The following HAPLN1 variants were observed in gnomAD, a reference collection of about 807,000 sequenced individuals.
HAPLN1 encodes hyaluronan and proteoglycan link protein 1, also known as Cartilage link protein.
HAPLN1 carries 13 observed loss-of-function variants against 36.5 expected under a neutral mutation model. The observed-to-expected ratio is 0.36, with a 90% confidence interval of 0.23 to 0.57. The LOEUF (loss-of-function observed/expected upper bound fraction) is 0.57. Among genes scored for constraint, HAPLN1 ranks in the 20% least tolerant of loss-of-function variants. The pLI is 0.83. For missense variants in HAPLN1, 407 were observed against 439.7 expected (o/e 0.93, Z 0.66); for synonymous variants, 202 against 169.8 (o/e 1.19, Z -1.48).
chr5:83,686,970 T>A (rs1327770943), intron 1 of HAPLN1, among the ~76,000 whole-genome samples: 2 of 152,068 alleles, frequency 1.3e-5, no homozygotes, highest in Non-Finnish European at 2.9e-5. Flanking sequence ...TAAACAACAA[T>A]AACAGAAGTT....
At chr5:83,651,383 ATGCCAATG>A (rs1750058226) in intron 3 of HAPLN1, among the ~76,000 whole-genome samples, 1 of 152,152 alleles carries the variant, frequency 6.6e-6, no homozygotes, top group South Asian at 2.1e-4. Flanking sequence ...ATCCTGAATA[ATGCCAATG>A]TTCATGGATA....
rs1209193392 is a variant in HAPLN1 at position 83,673,454 on chromosome 5, G to C, written c.70C>G (p.Leu24Val). ...WADHLSDNYT[L>V]DHDRAIHIQA... ...ATGTGAATAGCTCTGTCATGATCCA[G>C]AGTATAGTTGTCTGAAAGATGATCA... The change falls in exon 2 of 5, where the codon CTG becomes GTG. Residue 24 changes from leucine to valine, a missense_variant. Transcript: ENST00000274341. 2.5e-6 allele frequency: 4 copies of C among 1,612,342 alleles called. No homozygotes were observed. Among genetic ancestry groups the C allele is most frequent in the African/African-American group, 2.7e-5 (2 of 74,936 alleles).
Position 83,706,104 on chromosome 5 carries a change from GA to G in HAPLN1, c.-27+14684del, listed in dbSNP as rs200981513. On this transcript the variant is annotated intron_variant, in intron 1 of 4. Transcript: ENST00000274341. The stretch of plus-strand genomic sequence containing the variant: ...ATCAGTAATAAATAGCCTACCAATC[GA>G]AAAAAAAAAAAAACAAAAGCCCAGG... Among the ~76,000 whole-genome samples, 4,030 of 126,646 alleles carry G rather than the reference GA, an allele frequency of 0.032. 251 individuals are homozygous for G. The East Asian group carries it at 0.33, about 10-fold the overall frequency. 83.1% of individuals were successfully genotyped at this position (126,646 alleles called of 152,430 possible).
At chr5:83,715,030 A>G (rs888696067) in intron 1 of HAPLN1, among the ~76,000 whole-genome samples, 19 of 152,172 alleles carry the variant, frequency 1.2e-4, no homozygotes, top group Admixed American at 1.0e-3. Context: ...GGTCCTTCAC[A>G]TTTCTGGAAG....
intron 1 of HAPLN1, among the ~76,000 whole-genome samples, chr5:83,715,239 A>G (rs546314178): frequency 1.2e-4 from 18 of 152,364 alleles, no homozygotes; most frequent in Admixed American, 3.9e-4. Context: ...TTGTAAATGC[A>G]TGAGTGAAAC....
intron 3 of HAPLN1, among the ~76,000 whole-genome samples, chr5:83,650,811 T>C (rs1750038096): frequency 6.6e-6 from 1 of 151,826 alleles, no homozygotes; most frequent in South Asian, 2.1e-4. Context: ...ATTTTTTGTA[T>C]TTTTAGTAGA....
chr5:83,671,877 G>A (rs1750735715), intron 2 of HAPLN1, among the ~76,000 whole-genome samples: 2 of 152,150 alleles, frequency 1.3e-5, no homozygotes, highest in African/African-American at 4.8e-5. Context: ...TAAAAATGTG[G>A]ACAGTGTATG....
intron 1 of HAPLN1, among the ~76,000 whole-genome samples, chr5:83,692,218 G>T (rs1751293693): frequency 6.6e-6 from 1 of 151,850 alleles, no homozygotes; most frequent in Non-Finnish European, 1.5e-5. Context: ...AAAAAAATTT[G>T]AAGAAGTAAT....
At chr5:83,650,724 T>C (rs1580122253) in intron 3 of HAPLN1, among the ~76,000 whole-genome samples, 1 of 146,072 alleles carries the variant, frequency 6.8e-6, no homozygotes, top group Admixed American at 7.0e-5. Flanking sequence ...AAGCTCTGCC[T>C]CCTGGGTTCA....
intron 1 of HAPLN1, among the ~76,000 whole-genome samples, chr5:83,711,423 AGATTC>A (rs2112638933): frequency 6.6e-6 from 1 of 152,288 alleles, no homozygotes; most frequent in African/African-American, 2.4e-5. Flanking sequence ...GGGGGCAGTT[AGATTC>A]ATCATGAAAA....
chr5:83,692,877 G>A (rs1751312607), intron 1 of HAPLN1, among the ~76,000 whole-genome samples: 1 of 151,834 alleles, frequency 6.6e-6, no homozygotes, highest in Admixed American at 6.6e-5. Context: ...ATAGAAATAT[G>A]TCATTGGAAG....
chr5:83,655,517 G>GGTGTGTGT (rs60890807), intron 2 of HAPLN1, among the ~76,000 whole-genome samples: 6 of 147,774 alleles, frequency 4.1e-5, no homozygotes, highest in Non-Finnish European at 9.0e-5. Flanking sequence ...TTCACTTTGG[G>GGTGTGTGT]GTGTGTGTGT....
chr5:83,689,087 T>C (rs1751210469), intron 1 of HAPLN1, among the ~76,000 whole-genome samples: 1 of 152,182 alleles, frequency 6.6e-6, no homozygotes, highest in South Asian at 2.1e-4. Context: ...AGGTGCATAG[T>C]CTACCTTATT....
At chr5:83,669,435 G>T (rs901581222) in intron 2 of HAPLN1, among the ~76,000 whole-genome samples, 1 of 152,154 alleles carries the variant, frequency 6.6e-6, no homozygotes, top group Admixed American at 6.5e-5. Flanking sequence ...GGAGGCAGAG[G>T]TTGCAGTGAG....
At chr5:83,655,786 T>C (rs556550223) in intron 2 of HAPLN1, among the ~76,000 whole-genome samples, 1 of 152,262 alleles carries the variant, frequency 6.6e-6, no homozygotes, top group East Asian at 1.9e-4. Context: ...TGTTGGACTC[T>C]GCTAAGTCTA....
At chr5:83,700,125 C>T (rs1425013760) in intron 1 of HAPLN1, among the ~76,000 whole-genome samples, 4 of 144,354 alleles carry the variant, frequency 2.8e-5, no homozygotes, top group Non-Finnish European at 4.5e-5. Flanking sequence ...ACCCAGGAGG[C>T]GGAGGTTACA....
At position 83,677,523 on chromosome 5, in the gene HAPLN1, T is replaced by C. The variant is rs550291065; in HGVS notation, c.-26-3974A>G. 9.2e-5 allele frequency among the ~76,000 whole-genome samples: 14 copies of C among 152,334 alleles called. No homozygotes were observed. The East Asian group carries it at 9.6e-4, about 10-fold the overall frequency. The stretch of plus-strand genomic sequence containing the variant: ...TGGATGTCCAGCCAAGACCTTTTCA[T>C]TGTGGTGAGCTTTCAGTCTGGACAT... On this transcript the variant is annotated intron_variant, in intron 1 of 4. Coordinates refer to ENST00000274341, the MANE Select transcript of HAPLN1 (RefSeq NM_001884.4).
intron 1 of HAPLN1, among the ~76,000 whole-genome samples, chr5:83,688,591 C>G (rs1369838144): frequency 1.4e-5 from 2 of 146,400 alleles, no homozygotes; most frequent in Admixed American, 1.4e-4. Context: ...TGGGCATTCA[C>G]GATTTTGGAA....
rs767802818 is a variant in HAPLN1 at position 83,641,789 on chromosome 5, T to C, written c.776-4A>G. ...TGGATCAGATAGTAAAAACGGCCTG[T>C]AGAGAAAAGGAGACAGAGTCAATGG... On this transcript the variant is annotated splice_polypyrimidine_tract_variant and splice_region_variant and intron_variant, in intron 4 of 4. Coordinates refer to ENST00000274341, the MANE Select transcript of HAPLN1 (RefSeq NM_001884.4). The C allele has an allele frequency of 1.2e-6, 2 of 1,611,832 alleles. No individual in the cohort carries two copies. The highest frequency in any genetic ancestry group is 8.5e-7 in the Non-Finnish European group (1 of 1,178,512).
Sources: allele counts gnomAD v4.1 joint callset (sites outside exome capture counted in the v4.1 genomes callset), GRCh38; gene constraint gnomAD v4.1.1; transcripts MANE v1.5; gene names NCBI Gene and HGNC (gene_info 2026-07-23, HGNC 2026-07-21).